GSE1: variants seen among roughly 807,000 people sequenced by gnomAD.
The protein encoded by GSE1 is Gse1 coiled-coil protein.
In GSE1, 32 loss-of-function variants were observed where a neutral mutation model predicts 112.6. The ratio of observed to expected loss-of-function variants is 0.28; its 90% CI spans 0.21 to 0.38. The LOEUF is 0.38. Among genes scored for constraint, GSE1 ranks in the 10% least tolerant of loss-of-function variants. The pLI, the probability that GSE1 is intolerant of heterozygous loss-of-function variation, is 1.00. For missense variants in GSE1, 2,348 were observed against 1,699.2 expected (o/e 1.38, Z -6.71); for synonymous variants, 1,115 against 735.6 (o/e 1.52, Z -8.35).
chr16:85,171,947 C>T, intron 1 of GSE1: 1 of 383,350 alleles, frequency 2.6e-6, no homozygotes, highest in Non-Finnish European at 3.6e-6. Flanking sequence ...GGGGAGGTAC[C>T]CTCCCTGAGT....
intron 1 of GSE1, chr16:85,595,132 T>G (rs957466945): frequency 1.3e-5 from 2 of 152,360 alleles, no homozygotes; most frequent in African/African-American, 4.8e-5. Context: ...GCAGGTTCTC[T>G]GGGGCCCGCA....
At chr16:85,203,707 G>C (rs35788584) in intron 1 of GSE1, among the ~76,000 whole-genome samples, 3,047 of 152,298 alleles carry the variant, frequency 0.02, 100 homozygotes, top group East Asian at 0.13. Context: ...ACAGTTCACA[G>C]AGTTGTGCGG....
chr16:85,421,170 AG>A (rs1385785610), intron 2 of GSE1, among the ~76,000 whole-genome samples: 2 of 152,224 alleles, frequency 1.3e-5, no homozygotes, highest in Non-Finnish European at 2.9e-5. Context: ...CAGGAAGGGC[AG>A]GGCTGGGCAG....
At chr16:85,377,846 G>A (rs2047454185) in intron 2 of GSE1, among the ~76,000 whole-genome samples, 1 of 152,254 alleles carries the variant, frequency 6.6e-6, no homozygotes, top group South Asian at 2.1e-4. Context: ...GAGCTGGGGG[G>A]AGGGCATGGG....
At chr16:85,331,386 T>C (rs1332273190) in intron 1 of GSE1, among the ~76,000 whole-genome samples, 1 of 141,132 alleles carries the variant, frequency 7.1e-6, no homozygotes, top group South Asian at 2.2e-4. Flanking sequence ...TATATATGTA[T>C]ATATATGTGT....
chr16:85,614,091 T>G (rs903987576), intron 1 of GSE1, among the ~76,000 whole-genome samples: 2 of 8,280 alleles, frequency 2.4e-4, no homozygotes, highest in African/African-American at 5.4e-4. Context: ...GCCCCTCCCC[T>G]CCCCCCCGCA....
In GSE1 at chr16:85,671,048, C is replaced by T. The variant is rs373045100; in HGVS notation, c.3469C>T (p.Arg1157Trp). 3.2e-5 allele frequency: 52 copies of T among 1,612,546 alleles called. 1 individual carries two copies. Among genetic ancestry groups the T allele is most frequent in the Non-Finnish European group, 4.0e-5 (47 of 1,178,826 alleles). The change falls in exon 15 of 16, where the codon CGG (arginine) becomes TGG (tryptophan). Residue 1157 changes from arginine to tryptophan, a missense_variant. Physicochemically the swap from Arg to Trp is moderately radical, Grantham distance 101. Coordinates refer to ENST00000253458, the MANE Select transcript of GSE1 (RefSeq NM_014615.5). ...LQTQCRRLEA[R>W]HYSLSLTAEQ... ...GACACAATGTAGACGACTGGAGGCC[C>T]GGCACTACAGCCTCAGCCTGACGGC...
At chr16:85,631,532 A>C (rs2049539756) in intron 1 of GSE1, among the ~76,000 whole-genome samples, 1 of 152,214 alleles carries the variant, frequency 6.6e-6, no homozygotes, top group Non-Finnish European at 1.5e-5. Context: ...GACTCAGAGC[A>C]TGGGTCCCAT....
At chr16:85,628,657 G>A (rs974895890) in intron 1 of GSE1, among the ~76,000 whole-genome samples, 3 of 152,308 alleles carry the variant, frequency 2.0e-5, no homozygotes, top group Middle Eastern at 3.4e-3. Context: ...TTTTGTTGGC[G>A]GTGCTGACTT....
At chr16:85,569,852 C>T (rs891429229) in intron 1 of GSE1, among the ~76,000 whole-genome samples, 6 of 152,202 alleles carry the variant, frequency 3.9e-5, no homozygotes, top group African/African-American at 9.6e-5. Flanking sequence ...ACCTGCCCAC[C>T]GCCTGGACAG....
rs1189399175 is a variant in GSE1 at position 85,419,448 on chromosome 16, G to T, written c.2464+61805G>T. On this transcript the variant is annotated intron_variant, in intron 2 of 2. Coordinates refer to the GSE1 transcript ENST00000637419. The surrounding 1 kb of genome is among the most constrained non-coding windows in gnomAD (Gnocchi z 6.5). ...AGCAACATAGTGAGACCCTGTCTACGAACAAAAGTTAGCCAGGCGTGGTGG... is the reference window on the plus strand; with the variant it reads ...AGCAACATAGTGAGACCCTGTCTACTAACAAAAGTTAGCCAGGCGTGGTGG... 1.3e-5 allele frequency among the ~76,000 whole-genome samples: 2 copies of T among 151,576 alleles called. No individual in the cohort carries two copies. The highest frequency in any genetic ancestry group is 4.8e-5 in the African/African-American group (2 of 41,252).
In GSE1 at chr16:85,487,200, C is replaced by G. The variant is rs537522268; in HGVS notation, c.2464+129557C>G. On this transcript the variant is annotated intron_variant, in intron 2 of 2. Transcript: ENST00000637419. ...AGGTGAGCATGGATACAAATAGCCT[C>G]TCACTGGGTGTCACCTCCTCACCCC... Among the ~76,000 whole-genome samples the G allele has an allele frequency of 4.6e-5, 7 of 152,326 alleles. No individual in the cohort carries two copies. In the East Asian group the frequency reaches 7.7e-4, roughly 17 times the overall value.
intron 2 of GSE1, among the ~76,000 whole-genome samples, chr16:85,519,652 T>A (rs78938872): frequency 0.24 from 27,677 of 115,274 alleles, 5,019 homozygotes; most frequent in East Asian, 0.48. Context: ...CATCATCACC[T>A]TCACCACCAT....
At chr16:85,182,983 C>T (rs888703588) in intron 1 of GSE1, among the ~76,000 whole-genome samples, 2 of 152,172 alleles carry the variant, frequency 1.3e-5, no homozygotes, top group Non-Finnish European at 2.9e-5. Context: ...CCCACCCACA[C>T]ACTTGTATGC....
intron 1 of GSE1, among the ~76,000 whole-genome samples, chr16:85,622,200 C>CT (rs1289720443): frequency 6.6e-6 from 1 of 152,182 alleles, no homozygotes; most frequent in Non-Finnish European, 1.5e-5. Context: ...TGGCGCATGA[C>CT]TGTTATGGGA....
chr16:85,351,978 A>T (rs969011394), intron 1 of GSE1, among the ~76,000 whole-genome samples: 1 of 150,472 alleles, frequency 6.6e-6, no homozygotes, highest in African/African-American at 2.5e-5. Context: ...CAACAGAGCA[A>T]GACTCCATCT....
Position 85,654,464 on chromosome 16 carries a change from C to G in GSE1, c.599+14C>G, listed in dbSNP as rs772732120. On this transcript the variant is annotated intron_variant, in intron 4 of 15. Coordinates refer to ENST00000253458, the MANE Select transcript of GSE1 (RefSeq NM_014615.5). ...CCCGCCACTCAAGTAAGTTGGTCGG[C>G]GGGGACTTCGGTGAGGTGGCCAGGT... 1 of 1,553,708 alleles carries G rather than the reference C, an allele frequency of 6.4e-7. No homozygotes were observed. The highest frequency in any genetic ancestry group is 1.9e-5 in the Admixed American group (1 of 53,904).
chr16:85,652,465 C>T (rs1383679167), intron 3 of GSE1, among the ~76,000 whole-genome samples: 2 of 152,196 alleles, frequency 1.3e-5, no homozygotes, highest in African/African-American at 2.4e-5. Flanking sequence ...AGTCGTGAAC[C>T]CAGGAGGACC....
At chr16:85,246,348 TACACAC>T (rs375723620) in intron 1 of GSE1, among the ~76,000 whole-genome samples, 49 of 61,700 alleles carry the variant, frequency 7.9e-4, no homozygotes, top group African/African-American at 3.0e-3. Context: ...ACACGCTGTC[TACACAC>T]ACACACACAC....
Sources: gnomAD v4.1 joint callset for allele counts (sites outside exome capture counted in the v4.1 genomes callset) on GRCh38, gnomAD v4.1.1 for gene constraint, Gnocchi (gnomAD v3.1) non-coding constraint, MANE v1.5 for transcripts, NCBI Gene and HGNC (gene_info 2026-07-23, HGNC 2026-07-21) for gene names.